LRCH1: variants seen among roughly 807,000 people sequenced by gnomAD.
The protein encoded by LRCH1 is leucine rich repeats and calponin homology domain containing 1.
A neutral mutation model predicts 94.9 loss-of-function variants in LRCH1; 23 were observed. The ratio of observed to expected loss-of-function variants is 0.24; its 90% CI spans 0.17 to 0.34. The LOEUF (loss-of-function observed/expected upper bound fraction) is 0.34, where lower values mean the gene tolerates loss of function less well. Among genes scored for constraint, LRCH1 ranks in the 10% least tolerant of loss-of-function variants. The pLI, the probability that LRCH1 is intolerant of heterozygous loss-of-function variation, is 1.00. For synonymous variants in LRCH1, 364 were observed against 354.9 expected (o/e 1.03, Z -0.29); for missense variants, 790 against 945.9 (o/e 0.84, Z 2.16).
chr13:46,743,687 T>C lies in LRCH1; in HGVS notation c.*1839T>C. ...GCAGTGCATTGAGGCTTCTCTTTAATGGTCACCACTGTGGTGGTTTTTCCC... is the reference window on the plus strand; with the variant it reads ...GCAGTGCATTGAGGCTTCTCTTTAACGGTCACCACTGTGGTGGTTTTTCCC... On this transcript the variant is annotated 3_prime_UTR_variant, in exon 20 of 20. Transcript: ENST00000389797. 1.0e-6 allele frequency: 1 copy of C among 985,226 alleles called. No homozygotes were observed. The highest frequency in any genetic ancestry group is 1.2e-6 in the Non-Finnish European group (1 of 829,914). 61.0% of individuals were successfully genotyped at this position (985,226 alleles called of 1,614,324 possible).
chr13:46,666,416 C>G (rs1389854492), intron 2 of LRCH1, among the ~76,000 whole-genome samples: 2 of 152,222 alleles, frequency 1.3e-5, no homozygotes, highest in Non-Finnish European at 2.9e-5. Context: ...TGATACATGA[C>G]TCTCCCAGTT....
At chr13:46,608,215 G>A (rs1433922389) in intron 1 of LRCH1, among the ~76,000 whole-genome samples, 1 of 152,178 alleles carries the variant, frequency 6.6e-6, no homozygotes, top group East Asian at 1.9e-4. Context: ...GCATTCACAC[G>A]AGTCACAGGG....
chr13:46,687,566 A>AT (rs769858858), intron 5 of LRCH1, among the ~76,000 whole-genome samples: 1 of 152,252 alleles, frequency 6.6e-6, no homozygotes, highest in Admixed American at 6.5e-5. Context: ...CTGAGTTTAT[A>AT]TTTTTTATAC....
intron 11 of LRCH1, among the ~76,000 whole-genome samples, chr13:46,702,795 G>A (rs745818022): frequency 6.6e-6 from 1 of 152,208 alleles, no homozygotes; most frequent in African/African-American, 2.4e-5. Flanking sequence ...CCATCCTAGT[G>A]TGCTTCAGTA....
At chr13:46,655,878 A>G (rs2051364237) in intron 2 of LRCH1, among the ~76,000 whole-genome samples, 1 of 152,218 alleles carries the variant, frequency 6.6e-6, no homozygotes, top group South Asian at 2.1e-4. Flanking sequence ...TTACTTTTCT[A>G]GGGTGAAATA....
At chr13:46,708,726 T>C (rs756493979) in intron 13 of LRCH1, among the ~76,000 whole-genome samples, 5 of 152,212 alleles carry the variant, frequency 3.3e-5, no homozygotes, top group Non-Finnish European at 5.9e-5. Context: ...CCCAAGACTG[T>C]TTTATTTGGA....
intron 1 of LRCH1, among the ~76,000 whole-genome samples, chr13:46,631,143 G>T (rs1314761615): frequency 6.6e-6 from 1 of 152,146 alleles, no homozygotes; most frequent in Non-Finnish European, 1.5e-5. Flanking sequence ...GTATGCATGT[G>T]GTTTCTTAAA....
intron 1 of LRCH1, among the ~76,000 whole-genome samples, chr13:46,565,212 T>C (rs1452609296): frequency 2.0e-5 from 3 of 152,360 alleles, no homozygotes; most frequent in East Asian, 1.9e-4. Context: ...GTCAGTGTTA[T>C]AAGGCACAGA....
intron 1 of LRCH1, among the ~76,000 whole-genome samples, chr13:46,579,634 AAGAGCGG>A (rs2050343933): frequency 6.6e-6 from 1 of 152,138 alleles, no homozygotes; most frequent in Admixed American, 6.5e-5. Flanking sequence ...TAACCACAAC[AAGAGCGG>A]ATCATCTTCA....
intron 16 of LRCH1, among the ~76,000 whole-genome samples, chr13:46,718,451 T>C (rs1872434107): frequency 6.6e-6 from 1 of 152,216 alleles, no homozygotes; most frequent in South Asian, 2.1e-4. Flanking sequence ...TGTAAAACTA[T>C]AGTCACTTAG....
chr13:46,706,537 T>C (rs1871769795), intron 13 of LRCH1, among the ~76,000 whole-genome samples: 1 of 152,192 alleles, frequency 6.6e-6, no homozygotes, highest in Non-Finnish European at 1.5e-5. Flanking sequence ...ATTTTGGTTC[T>C]GTGCAGACTT....
At chr13:46,682,156 A>G (rs1418374467) in intron 4 of LRCH1, among the ~76,000 whole-genome samples, 1 of 152,104 alleles carries the variant, frequency 6.6e-6, no homozygotes, top group Admixed American at 6.6e-5. Flanking sequence ...GGGTGCTTAA[A>G]TAACAGAACT....
At chr13:46,739,053 A>G (rs1241459743) in intron 19 of LRCH1, among the ~76,000 whole-genome samples, 1 of 152,222 alleles carries the variant, frequency 6.6e-6, no homozygotes, top group Non-Finnish European at 1.5e-5. Flanking sequence ...AAGCATATTG[A>G]CTTTTTATAT....
intron 1 of LRCH1, among the ~76,000 whole-genome samples, chr13:46,595,537 C>G (rs192998641): frequency 1.3e-5 from 2 of 152,360 alleles, no homozygotes; most frequent in Non-Finnish European, 2.9e-5. Context: ...TTACTGACAT[C>G]TGTTCCCCCC....
chr13:46,645,515 A>G (rs1207719866), intron 1 of LRCH1, among the ~76,000 whole-genome samples: 3 of 152,232 alleles, frequency 2.0e-5, no homozygotes, highest in Non-Finnish European at 4.4e-5. Context: ...GATTTAATAT[A>G]TTTGACTTCA....
intron 16 of LRCH1, among the ~76,000 whole-genome samples, chr13:46,721,911 C>G (rs1287990551): frequency 6.6e-6 from 1 of 152,124 alleles, no homozygotes; most frequent in Admixed American, 6.5e-5. Context: ...AAAGAAAATA[C>G]TGAGATGTGA....
chr13:46,553,308 C>T lies in LRCH1; in HGVS notation c.-89C>T. On this transcript the variant is annotated 5_prime_UTR_variant, in exon 1 of 20. Coordinates refer to ENST00000389797, the MANE Select transcript of LRCH1 (RefSeq NM_001164211.2). ...CGCCTTTCGGTGGAGCACTGCGGCA[C>T]TCAGCCCGAGCTGCCGTTTTCCCCT... 1 of 1,151,498 alleles carries T rather than the reference C, an allele frequency of 8.7e-7. No homozygotes were observed. Among genetic ancestry groups the T allele is most frequent in the Non-Finnish European group, 1.2e-6 (1 of 822,994 alleles). 71.3% of individuals were successfully genotyped at this position (1,151,498 alleles called of 1,614,324 possible). A position where few individuals can be genotyped will look rare whatever the true frequency, so the allele number is the denominator to read the frequency against.
rs143144558 is a variant in LRCH1 at position 46,590,759 on chromosome 13, G to C, written c.307+37056G>C. Among the ~76,000 whole-genome samples the C allele has an allele frequency of 2.5e-3, 382 of 152,312 alleles. 2 individuals are homozygous for C. Among genetic ancestry groups the C allele is most frequent in the African/African-American group, 8.6e-3 (358 of 41,566 alleles). ...ATCCACAACTGAATTGTCTATGCTT[G>C]GCAGGCAGATGTTTTCTCAAATGGT... On this transcript the variant is annotated intron_variant, in intron 1 of 19. Coordinates refer to ENST00000389797, the MANE Select transcript of LRCH1 (RefSeq NM_001164211.2).
chr13:46,676,066 G>C (rs2051668439), intron 3 of LRCH1, among the ~76,000 whole-genome samples: 1 of 152,214 alleles, frequency 6.6e-6, no homozygotes, highest in Admixed American at 6.5e-5. Flanking sequence ...TTCGAGACCA[G>C]CCTGACCAAC....
Sources: gnomAD v4.1 joint callset for allele counts (sites outside exome capture counted in the v4.1 genomes callset) on GRCh38, gnomAD v4.1.1 for gene constraint, MANE v1.5 for transcripts, NCBI Gene and HGNC (gene_info 2026-07-23, HGNC 2026-07-21) for gene names.